ZNF407: variants seen among roughly 807,000 people sequenced by gnomAD.
ZNF407 encodes zinc finger protein 407.
Under a neutral mutation model 131.2 loss-of-function variants are expected in ZNF407, and 17 were observed. The observed-to-expected ratio is 0.13, with a 90% confidence interval of 0.09 to 0.19. The LOEUF (loss-of-function observed/expected upper bound fraction) is 0.19, where lower values mean the gene tolerates loss of function less well. Among genes scored for constraint, ZNF407 ranks in the 10% least tolerant of loss-of-function variants. The pLI is 1.00. For synonymous variants in ZNF407, 1,156 were observed against 1,062.0 expected (o/e 1.09, Z -1.72); for missense variants, 2,681 against 2,830.6 (o/e 0.95, Z 1.20).
intron 1 of ZNF407, among the ~76,000 whole-genome samples, chr18:74,630,652 T>A (rs12968520): frequency 0.2 from 29,984 of 151,712 alleles, 3,795 homozygotes; most frequent in African/African-American, 0.37. Context: ...GTTTTTTTTT[T>A]AAAAGGGTAG....
chr18:74,729,969 CT>C (rs1471298173), intron 3 of ZNF407, among the ~76,000 whole-genome samples: 5 of 152,102 alleles, frequency 3.3e-5, no homozygotes, highest in Non-Finnish European at 7.4e-5. Context: ...AAAGGTGACA[CT>C]TTTTAGATAG....
chr18:74,852,199 GCACGCACGCA>G (rs1568241556), intron 4 of ZNF407, among the ~76,000 whole-genome samples: 4 of 67,602 alleles, frequency 5.9e-5, no homozygotes, highest in South Asian at 4.5e-4. Flanking sequence ...ACACACACAC[GCACGCACGCA>G]CGCGCACGCG....
chr18:74,762,166 A>C (rs958775566), intron 3 of ZNF407, among the ~76,000 whole-genome samples: 3 of 151,926 alleles, frequency 2.0e-5, no homozygotes, highest in Non-Finnish European at 4.4e-5. Flanking sequence ...TACCATAGAG[A>C]TCTCAAATAT....
At chr18:74,714,808 A>G (rs912727014) in intron 3 of ZNF407, among the ~76,000 whole-genome samples, 9 of 152,162 alleles carry the variant, frequency 5.9e-5, no homozygotes, top group Non-Finnish European at 1.3e-4. Flanking sequence ...TACAATGCCA[A>G]TTCTCAGATT....
chr18:74,853,309 C>T (rs1970815381), intron 4 of ZNF407, among the ~76,000 whole-genome samples: 1 of 152,136 alleles, frequency 6.6e-6, no homozygotes, highest in African/African-American at 2.4e-5. Flanking sequence ...TTCCGTTTTC[C>T]AGTTAACAGA....
intron 3 of ZNF407, among the ~76,000 whole-genome samples, chr18:74,681,649 A>G (rs962677560): frequency 1.3e-5 from 2 of 152,328 alleles, no homozygotes; most frequent in East Asian, 1.9e-4. Context: ...CTGAGGAAAC[A>G]TATGTATGGC....
At chr18:74,721,714 C>A (rs138215027) in intron 3 of ZNF407, among the ~76,000 whole-genome samples, 1 of 152,186 alleles carries the variant, frequency 6.6e-6, no homozygotes, top group African/African-American at 2.4e-5. Context: ...GTGTTTATTA[C>A]CATTTAATGT....
At chr18:74,815,149 G>T in intron 4 of ZNF407, among the ~76,000 whole-genome samples, 1 of 151,862 alleles carries the variant, frequency 6.6e-6, no homozygotes, top group East Asian at 1.9e-4. Flanking sequence ...AAAGAAAATG[G>T]ATTATAAAAA....
At chr18:75,042,033 T>G (rs1973379550) in intron 8 of ZNF407, among the ~76,000 whole-genome samples, 1 of 152,090 alleles carries the variant, frequency 6.6e-6, no homozygotes, top group Admixed American at 6.5e-5. Flanking sequence ...CCTTGCCCTT[T>G]GAATTAGCCT....
At chr18:74,787,146 C>A (rs1969734878) in intron 4 of ZNF407, among the ~76,000 whole-genome samples, 1 of 152,070 alleles carries the variant, frequency 6.6e-6, no homozygotes, top group Admixed American at 6.5e-5. Flanking sequence ...CCTGCTAGAT[C>A]AATTTGTTCT....
At chr18:74,653,193 G>A (rs771705089) in intron 3 of ZNF407, among the ~76,000 whole-genome samples, 1 of 151,610 alleles carries the variant, frequency 6.6e-6, no homozygotes, top group Non-Finnish European at 1.5e-5. Flanking sequence ...TTGGATATAT[G>A]GTTTTCCAAT....
intron 3 of ZNF407, among the ~76,000 whole-genome samples, chr18:74,671,321 T>G (rs1000301096): frequency 1.3e-5 from 2 of 150,010 alleles, no homozygotes; most frequent in African/African-American, 2.4e-5. Context: ...TGGACCACTG[T>G]TTTTTTTTGT....
chr18:74,965,496 T>C (rs1000423718), intron 8 of ZNF407, among the ~76,000 whole-genome samples: 11 of 152,228 alleles, frequency 7.2e-5, no homozygotes, highest in African/African-American at 2.7e-4. Flanking sequence ...GATTTCATTC[T>C]GTTTTATGGC....
At chr18:74,778,800 A>T (rs1264168367) in intron 3 of ZNF407, among the ~76,000 whole-genome samples, 1 of 152,058 alleles carries the variant, frequency 6.6e-6, no homozygotes, top group East Asian at 1.9e-4. Flanking sequence ...CACAGCTAGC[A>T]CATAGTAAGT....
At chr18:74,955,848 A>T (rs1274052724) in intron 8 of ZNF407, among the ~76,000 whole-genome samples, 1 of 152,174 alleles carries the variant, frequency 6.6e-6, no homozygotes, top group Non-Finnish European at 1.5e-5. Context: ...CTCCCTGCAC[A>T]CACGGTGCAC....
chr18:74,819,201 A>G (rs1396437667), intron 4 of ZNF407, among the ~76,000 whole-genome samples: 2 of 152,204 alleles, frequency 1.3e-5, no homozygotes, highest in South Asian at 2.1e-4. Flanking sequence ...ATATATTTGT[A>G]TTTGGGTAAA....
At chr18:74,918,979 G>A (rs537376767) in intron 7 of ZNF407, among the ~76,000 whole-genome samples, 1 of 152,106 alleles carries the variant, frequency 6.6e-6, no homozygotes, top group African/African-American at 2.4e-5. Flanking sequence ...TTTTCCAAAG[G>A]ACTGTCTGGA....
intron 3 of ZNF407, among the ~76,000 whole-genome samples, chr18:74,696,592 C>G (rs1261446830): frequency 6.6e-6 from 1 of 152,154 alleles, no homozygotes; most frequent in East Asian, 1.9e-4. Context: ...GGTTCTGTTT[C>G]CCAACAAATA....
intron 8 of ZNF407, among the ~76,000 whole-genome samples, chr18:75,037,384 G>A (rs1399070761): frequency 6.6e-6 from 1 of 151,804 alleles, no homozygotes; most frequent in Non-Finnish European, 1.5e-5. Context: ...CCCCTTTTTG[G>A]TAGCAAAGAT....
Sources: allele counts gnomAD v4.1 joint callset (sites outside exome capture counted in the v4.1 genomes callset), GRCh38; gene constraint gnomAD v4.1.1; transcripts MANE v1.5; gene names NCBI Gene and HGNC (gene_info 2026-07-23, HGNC 2026-07-21).